DPP10: variants seen among roughly 807,000 people sequenced by gnomAD.
DPP10 encodes inactive dipeptidyl peptidase 10.
Under a neutral mutation model 120.9 loss-of-function variants are expected in DPP10, and 33 were observed. The ratio of observed to expected loss-of-function variants is 0.27; its 90% CI spans 0.21 to 0.37. DPP10 has a LOEUF of 0.37. Among genes scored for constraint, DPP10 ranks in the 10% least tolerant of loss-of-function variants. The probability of loss-of-function intolerance (pLI) is 1.00; values close to 1 mark genes in which losing one functional copy is unlikely to be tolerated. For missense variants in DPP10, 816 were observed against 942.8 expected (o/e 0.87, Z 1.76); for synonymous variants, 337 against 326.1 (o/e 1.03, Z -0.36).
chr2:114,914,168 A>T (rs1373388636), intron 1 of DPP10, among the ~76,000 whole-genome samples: 1 of 152,228 alleles, frequency 6.6e-6, no homozygotes, highest in Non-Finnish European at 1.5e-5. Context: ...TGTCCACAAA[A>T]ATTTTCCCAA....
intron 1 of DPP10, among the ~76,000 whole-genome samples, chr2:114,498,407 G>A (rs1419204892): frequency 6.6e-6 from 1 of 151,990 alleles, no homozygotes; most frequent in East Asian, 1.9e-4. Flanking sequence ...ACATATAACT[G>A]AGATCTCAAA....
chr2:114,950,451 C>A (rs1053041866), intron 1 of DPP10, among the ~76,000 whole-genome samples: 1 of 148,734 alleles, frequency 6.7e-6, no homozygotes, highest in Non-Finnish European at 1.5e-5. Flanking sequence ...CCCGCCACCA[C>A]GCCCCGGTAA....
At chr2:115,758,634 A>T (rs1430964786) in intron 11 of DPP10, among the ~76,000 whole-genome samples, 1 of 152,126 alleles carries the variant, frequency 6.6e-6, no homozygotes, top group Non-Finnish European at 1.5e-5. Context: ...AAATACCTGA[A>T]CAAGTCAAAG....
chr2:115,782,266 G>C, intron 16 of DPP10, 86 bp from the exon 17 acceptor site: 2 of 1,175,990 alleles, frequency 1.7e-6, no homozygotes, highest in Admixed American at 2.1e-5. Context: ...CTTCCATTTG[G>C]GGGGAAAAAA....
chr2:115,606,369 A>G (rs2083707097), intron 5 of DPP10, among the ~76,000 whole-genome samples: 1 of 152,202 alleles, frequency 6.6e-6, no homozygotes, highest in Admixed American at 6.5e-5. Context: ...TCTAGAAGCT[A>G]AAACCAAGCT....
intron 5 of DPP10, among the ~76,000 whole-genome samples, chr2:115,573,585 T>G (rs2081474102): frequency 8.9e-6 from 1 of 111,798 alleles, no homozygotes; most frequent in Admixed American, 8.4e-5. Flanking sequence ...CCCGGCCTTT[T>G]TTTTTTTTTT....
chr2:114,936,608 G>T (rs933025778), intron 1 of DPP10, among the ~76,000 whole-genome samples: 1 of 152,004 alleles, frequency 6.6e-6, no homozygotes, highest in African/African-American at 2.4e-5. Context: ...TAGAAACTTT[G>T]ACATGGGATT....
chr2:114,658,218 T>C (rs1308199155), intron 1 of DPP10, among the ~76,000 whole-genome samples: 1 of 152,160 alleles, frequency 6.6e-6, no homozygotes, highest in Non-Finnish European at 1.5e-5. Flanking sequence ...TGAGTTGACT[T>C]TGAAGCACAG....
intron 5 of DPP10, among the ~76,000 whole-genome samples, chr2:115,591,269 C>T (rs2149173937): frequency 6.6e-6 from 1 of 152,264 alleles, no homozygotes; most frequent in Non-Finnish European, 1.5e-5. Context: ...AGGTTTTCTT[C>T]TAGAGTTTTT....
chr2:114,630,668 A>T (rs1376994631), intron 1 of DPP10, among the ~76,000 whole-genome samples: 3 of 152,208 alleles, frequency 2.0e-5, no homozygotes, highest in Non-Finnish European at 4.4e-5. Flanking sequence ...CCAATGAGAT[A>T]GCCAAGAGCC....
intron 1 of DPP10, among the ~76,000 whole-genome samples, chr2:114,785,562 A>G (rs567348019): frequency 2.1e-4 from 32 of 152,296 alleles, no homozygotes; most frequent in African/African-American, 7.7e-4. Context: ...ACAGCTCGTT[A>G]AATTAGGAAA....
chr2:115,350,152 A>G (rs1457893381), intron 3 of DPP10, among the ~76,000 whole-genome samples: 1 of 152,066 alleles, frequency 6.6e-6, no homozygotes, highest in Non-Finnish European at 1.5e-5. Context: ...TTTTAATGGA[A>G]AACTAAACAG....
intron 1 of DPP10, among the ~76,000 whole-genome samples, chr2:114,954,273 CAG>C (rs1297134266): frequency 6.6e-6 from 1 of 151,836 alleles, no homozygotes; most frequent in Non-Finnish European, 1.5e-5. Context: ...TTAGTAGAGA[CAG>C]GGTTTCACCG....
chr2:115,759,196 A>T (rs896258408), intron 11 of DPP10, among the ~76,000 whole-genome samples: 1 of 152,144 alleles, frequency 6.6e-6, no homozygotes, highest in Non-Finnish European at 1.5e-5. Context: ...TAATAAAAAC[A>T]CAACCTCATA....
chr2:114,449,628 T>G (rs924196272), intron 1 of DPP10, among the ~76,000 whole-genome samples: 2 of 152,140 alleles, frequency 1.3e-5, no homozygotes, highest in African/African-American at 4.8e-5. Flanking sequence ...ATGAACCATG[T>G]GGTCTTGCGG....
intron 1 of DPP10, among the ~76,000 whole-genome samples, chr2:115,217,316 G>A (rs1035262187): frequency 6.6e-6 from 1 of 152,102 alleles, no homozygotes; most frequent in African/African-American, 2.4e-5. Flanking sequence ...TTTTGTGAGT[G>A]CTAGAAGACA....
chr2:115,321,721 C>CT (rs1421243961), intron 2 of DPP10, among the ~76,000 whole-genome samples: 1 of 151,850 alleles, frequency 6.6e-6, no homozygotes, highest in African/African-American at 2.4e-5. Flanking sequence ...TTCCTTCACT[C>CT]TTTTTTCTTT....
In DPP10 at chr2:114,870,933, G is replaced by C. The variant is rs1448416446; in HGVS notation, c.60+428095G>C. Among the ~76,000 whole-genome samples, 4 of 134,614 alleles carry C rather than the reference G, an allele frequency of 3.0e-5. 1 individual carries two copies. The highest frequency in any genetic ancestry group is 1.0e-4 in the African/African-American group (4 of 38,812). 88.3% of individuals were successfully genotyped at this position (134,614 alleles called of 152,430 possible). ...GACTGGGAATCCTAAAAGGGTTGGG[G>C]TAGTGTCTCCGCATGGTCAGAGGTG... On this transcript the variant is annotated intron_variant, in intron 1 of 25. Coordinates refer to ENST00000410059, the MANE Select transcript of DPP10 (RefSeq NM_020868.6).
chr2:114,824,933 A>C (rs1198361922), intron 1 of DPP10, among the ~76,000 whole-genome samples: 1 of 152,206 alleles, frequency 6.6e-6, no homozygotes, highest in Middle Eastern at 3.2e-3. Flanking sequence ...AACCCTGGTA[A>C]CCCTGGAGTG....
Sources: allele counts gnomAD v4.1 joint callset (sites outside exome capture counted in the v4.1 genomes callset), GRCh38; gene constraint gnomAD v4.1.1; transcripts MANE v1.5; gene names NCBI Gene and HGNC (gene_info 2026-07-23, HGNC 2026-07-21).